Variants in CYFIP1 observed in about 807,000 individuals in gnomAD.
CYFIP1 encodes cytoplasmic FMR1-interacting protein 1.
A neutral mutation model predicts 163.5 loss-of-function variants in CYFIP1; 58 were observed. The observed-to-expected ratio is 0.35, with a 90% CI of 0.29 to 0.44. The LOEUF (loss-of-function observed/expected upper bound fraction) is 0.44. CYFIP1 is among the 20% of genes least tolerant of loss of function. CYFIP1 has a pLI of 1.00. For missense variants in CYFIP1, 1,338 were observed against 1,653.8 expected (o/e 0.81, Z 3.31); for synonymous variants, 663 against 660.7 (o/e 1.00, Z -0.05).
At chr15:22,870,578 T>C (rs755685494) in intron 30 of CYFIP1, among the ~76,000 whole-genome samples, 1 of 152,170 alleles carries the variant, frequency 6.6e-6, no homozygotes, top group Non-Finnish European at 1.5e-5. Flanking sequence ...CCTCCCAAAC[T>C]GTTGGGATTA....
At chr15:22,888,905 G>A (rs895020317) in intron 23 of CYFIP1, among the ~76,000 whole-genome samples, 3 of 151,954 alleles carry the variant, frequency 2.0e-5, no homozygotes, top group Non-Finnish European at 4.4e-5. Context: ...GCCAGGCGTG[G>A]TGGCACACTC....
intron 13 of CYFIP1, among the ~76,000 whole-genome samples, chr15:22,921,162 G>A (rs1181729081): frequency 6.6e-6 from 1 of 152,078 alleles, no homozygotes; most frequent in Admixed American, 6.6e-5. Flanking sequence ...AAGGTCAGGA[G>A]TTCGAGACCA....
chr15:22,951,665 A>C, intron 1 of CYFIP1: 1 of 775,424 alleles, frequency 1.3e-6, no homozygotes, highest in South Asian at 1.6e-5. Context: ...GACAGGTCGG[A>C]CCGAGCACCC....
At chr15:22,937,989 C>T (rs982577502) in intron 8 of CYFIP1, among the ~76,000 whole-genome samples, 25 of 152,146 alleles carry the variant, frequency 1.6e-4, no homozygotes, top group Admixed American at 4.6e-4. Flanking sequence ...CCACACCAGC[C>T]GGTGCAGACA....
chr15:22,871,093 T>C (rs1052524954), intron 30 of CYFIP1, among the ~76,000 whole-genome samples: 1 of 152,000 alleles, frequency 6.6e-6, no homozygotes, highest in Non-Finnish European at 1.5e-5. Context: ...GACCTCCAAT[T>C]CGGCTAAAGC....
intron 1 of CYFIP1, among the ~76,000 whole-genome samples, chr15:22,973,611 A>C (rs758115431): frequency 1.3e-5 from 2 of 151,910 alleles, no homozygotes; most frequent in Non-Finnish European, 2.9e-5. Flanking sequence ...CAGATTCCAC[A>C]TGTGAGTGAG....
intron 30 of CYFIP1, chr15:22,872,504 C>G (rs74343718): frequency 0.014 from 3,860 of 277,866 alleles, 153 homozygotes; most frequent in African/African-American, 0.078. Flanking sequence ...AGACAAAAGG[C>G]CTTTAAAGCA....
At chr15:22,878,809 C>T (rs1447177429) in intron 26 of CYFIP1, among the ~76,000 whole-genome samples, 3 of 151,496 alleles carry the variant, frequency 2.0e-5, no homozygotes, top group Admixed American at 6.6e-5. Flanking sequence ...ATGTGCAGCA[C>T]ATAAAGAGTC....
chr15:22,947,152 A>G lies in CYFIP1; in HGVS notation c.117+17T>C. The G allele has an allele frequency of 6.2e-7, 1 of 1,613,974 alleles. No homozygotes were observed. The highest frequency in any genetic ancestry group is 2.2e-5 in the East Asian group (1 of 44,882). The stretch of plus-strand genomic sequence containing the variant: ...TCGGAGCACAGGCTGTACGCCCTGC[A>G]GCTGCTGGGCACCCACCTGGTAGAG... On this transcript the variant is annotated intron_variant, in intron 2 of 30. Coordinates refer to ENST00000617928, the MANE Select transcript of CYFIP1 (RefSeq NM_014608.6).
chr15:22,909,635 G>C (rs953379581), intron 20 of CYFIP1, among the ~76,000 whole-genome samples: 1 of 152,194 alleles, frequency 6.6e-6, no homozygotes, highest in Non-Finnish European at 1.5e-5. Flanking sequence ...TTCGTGTATA[G>C]AGAGTAGAAT....
At chr15:22,928,070 C>CACCCA in intron 11 of CYFIP1, 42 bp from the exon 12 acceptor site, 1 of 1,454,380 alleles carries the variant, frequency 6.9e-7, no homozygotes, top group Non-Finnish European at 9.0e-7. Context: ...CCAGCGCCCC[C>CACCCA]ACCCAGCTCC....
At chr15:22,935,755 T>C (rs959103468) in intron 9 of CYFIP1, among the ~76,000 whole-genome samples, 2 of 152,210 alleles carry the variant, frequency 1.3e-5, no homozygotes, top group African/African-American at 4.8e-5. Flanking sequence ...GCTTAAAATA[T>C]GCTAAAAGAG....
At chr15:22,891,356 C>T (rs1022712574) in intron 23 of CYFIP1, among the ~76,000 whole-genome samples, 9 of 152,256 alleles carry the variant, frequency 5.9e-5, no homozygotes, top group East Asian at 1.9e-4. Flanking sequence ...ACCCAGGAGG[C>T]GGAGGCTGCA....
chr15:22,928,887 C>G (rs970680901), intron 11 of CYFIP1, among the ~76,000 whole-genome samples: 2 of 151,852 alleles, frequency 1.3e-5, no homozygotes, highest in African/African-American at 2.4e-5. Flanking sequence ...ACTGAGAGGA[C>G]CCTGAGCAGC....
chr15:22,945,874 C>A (rs918655735), intron 3 of CYFIP1, among the ~76,000 whole-genome samples: 1 of 152,090 alleles, frequency 6.6e-6, no homozygotes, highest in African/African-American at 2.4e-5. Flanking sequence ...TGGGCCACTG[C>A]GCCCAGCCTA....
At chr15:22,964,684 G>T (rs768961211) in intron 1 of CYFIP1, among the ~76,000 whole-genome samples, 1 of 152,134 alleles carries the variant, frequency 6.6e-6, no homozygotes, top group South Asian at 2.1e-4. Flanking sequence ...CATCTCAGCC[G>T]CTTGCACTTC....
At chr15:22,919,530 AG>A (rs1409192106) in intron 13 of CYFIP1, among the ~76,000 whole-genome samples, 2 of 152,140 alleles carry the variant, frequency 1.3e-5, no homozygotes, top group African/African-American at 4.8e-5. Flanking sequence ...TAGCTATGTG[AG>A]GCCTAGAAAT....
rs535579349 is a variant in CYFIP1, at chr15:22,875,780, C to G, written c.3043-509G>C. Among the ~76,000 whole-genome samples the G allele has an allele frequency of 2.0e-4, 31 of 151,332 alleles. No homozygotes were observed. In the South Asian group the frequency reaches 6.1e-3, roughly 30 times the overall value. On this transcript the variant is annotated intron_variant, in intron 26 of 30. Coordinates refer to ENST00000617928, the MANE Select transcript of CYFIP1 (RefSeq NM_014608.6). Reference sequence around the variant, plus strand: ...GGTGTCCACATCCACTCATTCCCTACAGAGCCCAAAACAAAGTTCTAGGCC... The same window carrying G: ...GGTGTCCACATCCACTCATTCCCTAGAGAGCCCAAAACAAAGTTCTAGGCC...
At chr15:22,881,769 T>C (rs2059769877) in intron 25 of CYFIP1, 77 bp downstream of exon 25, 4 of 1,388,748 alleles carry the variant, frequency 2.9e-6, no homozygotes, top group African/African-American at 2.8e-5. Context: ...ATCTAATCCT[T>C]CTCAAGAATT....
Sources: gnomAD v4.1 joint callset for allele counts (sites outside exome capture counted in the v4.1 genomes callset) on GRCh38, gnomAD v4.1.1 for gene constraint, MANE v1.5 for transcripts, NCBI Gene and HGNC (gene_info 2026-07-23, HGNC 2026-07-21) for gene names.